The following CTNNA3 variants were observed in gnomAD, a reference collection of about 807,000 sequenced individuals.
CTNNA3 encodes the protein catenin alpha-3.
A neutral mutation model predicts 95.7 loss-of-function variants in CTNNA3; 76 were observed. The ratio of observed to expected loss-of-function variants is 0.79; its 90% CI spans 0.66 to 0.96. CTNNA3 has a LOEUF of 0.96. Ranked by LOEUF, CTNNA3 falls within the 40% of genes least tolerant of loss-of-function variation. CTNNA3 has a pLI of 0.00. For synonymous variants in CTNNA3, 431 were observed against 374.4 expected, an observed-to-expected ratio of 1.15 and a Z score of -1.74; for missense variants, 1,191 against 1,089.8, an observed-to-expected ratio of 1.09 and a Z score of -1.31.
chr10:67,111,703 G>T (rs2131971099), intron 7 of CTNNA3, among the ~76,000 whole-genome samples: 1 of 151,974 alleles, frequency 6.6e-6, no homozygotes, highest in African/African-American at 2.4e-5. Context: ...AAGATAAAAA[G>T]AAATCCACTA....
chr10:67,704,123 A>C (rs1413721220), intron 1 of CTNNA3, among the ~76,000 whole-genome samples: 2 of 152,222 alleles, frequency 1.3e-5, no homozygotes, highest in East Asian at 3.8e-4. Context: ...AATGAAATAA[A>C]AGAGGATACA....
rs553976728 is a variant in CTNNA3 at position 67,364,574 on chromosome 10, C to G, written c.580-144704G>C. Among the ~76,000 whole-genome samples the G allele has an allele frequency of 3.3e-4, 50 of 152,182 alleles. 1 individual carries two copies. The highest frequency in any genetic ancestry group is 4.1e-4 in the Non-Finnish European group (28 of 68,020). ...TACAAAAATCACAAGCATTCCTATA[C>G]ACCAATAGCAGACAAACAGAGAGCC... On this transcript the variant is annotated intron_variant, in intron 5 of 17. Coordinates refer to ENST00000433211, the MANE Select transcript of CTNNA3 (RefSeq NM_013266.4).
At chr10:66,086,632 A>G (rs933957322) in intron 14 of CTNNA3, among the ~76,000 whole-genome samples, 1 of 152,126 alleles carries the variant, frequency 6.6e-6, no homozygotes, top group African/African-American at 2.4e-5. Flanking sequence ...ATCCACTATC[A>G]CTATTCTTTT....
At chr10:67,619,970 A>G (rs1843775116) in intron 2 of CTNNA3, among the ~76,000 whole-genome samples, 1 of 151,906 alleles carries the variant, frequency 6.6e-6, no homozygotes, top group Non-Finnish European at 1.5e-5. Context: ...TGAGGCTTAG[A>G]TGAAACCCAG....
intron 11 of CTNNA3, among the ~76,000 whole-genome samples, chr10:66,496,517 AC>A (rs984999081): frequency 6.6e-6 from 1 of 152,230 alleles, no homozygotes; most frequent in Non-Finnish European, 1.5e-5. Context: ...GAAGATTCTT[AC>A]GCAATTTCAA....
In CTNNA3 at chr10:66,535,787, G is replaced by A. The variant is rs186201053; in HGVS notation, c.1375-15014C>T. ...CAGCAGCTGTGAAAGCAGGATTTGAGGGATAATTAACATGTAGAATTCATA... is the reference window on the plus strand; with the variant it reads ...CAGCAGCTGTGAAAGCAGGATTTGAAGGATAATTAACATGTAGAATTCATA... On this transcript the variant is annotated intron_variant, in intron 10 of 17. Coordinates refer to ENST00000433211, the MANE Select transcript of CTNNA3 (RefSeq NM_013266.4). Among the ~76,000 whole-genome samples the A allele has an allele frequency of 9.9e-4, 151 of 152,166 alleles. 1 individual carries two copies. Among genetic ancestry groups the A allele is most frequent in the African/African-American group, 3.5e-3 (146 of 41,524 alleles).
chr10:66,243,747 A>T (rs1364935274), intron 13 of CTNNA3, among the ~76,000 whole-genome samples: 1 of 152,180 alleles, frequency 6.6e-6, no homozygotes, highest in Admixed American at 6.5e-5. Flanking sequence ...ACCTTGGCAA[A>T]ATAAACTTGT....
chr10:67,460,412 G>C (rs192375923), intron 5 of CTNNA3, among the ~76,000 whole-genome samples: 136 of 152,240 alleles, frequency 8.9e-4, no homozygotes, highest in African/African-American at 2.8e-3. Flanking sequence ...TGGTTTAAGA[G>C]AATTTTTTAA....
chr10:67,577,936 C>T (rs1243023661), intron 3 of CTNNA3, among the ~76,000 whole-genome samples: 1 of 148,536 alleles, frequency 6.7e-6, no homozygotes, highest in Non-Finnish European at 1.5e-5. Flanking sequence ...TACAGTTTTC[C>T]ATAGAGGCTG....
intron 5 of CTNNA3, among the ~76,000 whole-genome samples, chr10:67,455,963 A>G (rs1318339561): frequency 6.6e-6 from 1 of 152,196 alleles, no homozygotes; most frequent in Non-Finnish European, 1.5e-5. Flanking sequence ...TCATAGCAAT[A>G]TAAGGTTACA....
intron 7 of CTNNA3, among the ~76,000 whole-genome samples, chr10:67,074,488 C>T (rs1461431786): frequency 1.3e-5 from 2 of 151,284 alleles, no homozygotes; most frequent in Non-Finnish European, 2.9e-5. Flanking sequence ...GTAGCTGGGA[C>T]TACAGGCGCC....
At chr10:67,477,693 C>T (rs541519908) in intron 5 of CTNNA3, among the ~76,000 whole-genome samples, 1 of 152,084 alleles carries the variant, frequency 6.6e-6, no homozygotes. Context: ...AAATATCCTC[C>T]CTGCAAGAAA....
chr10:66,689,540 T>C (rs1847436438), intron 9 of CTNNA3, among the ~76,000 whole-genome samples: 1 of 152,122 alleles, frequency 6.6e-6, no homozygotes, highest in Admixed American at 6.5e-5. Flanking sequence ...AAAAGAAAAT[T>C]TAAAGAGGTG....
At chr10:67,723,145 C>A (rs1841189967) in intron 1 of CTNNA3, among the ~76,000 whole-genome samples, 1 of 151,960 alleles carries the variant, frequency 6.6e-6, no homozygotes, top group African/African-American at 2.4e-5. Flanking sequence ...CGCCACCACA[C>A]CTGGCTAATT....
chr10:66,756,540 T>A (rs985275771), intron 9 of CTNNA3, among the ~76,000 whole-genome samples: 1 of 152,086 alleles, frequency 6.6e-6, no homozygotes, highest in Non-Finnish European at 1.5e-5. Flanking sequence ...TATACACAGC[T>A]ACAGATTTAA....
rs929005327 is a variant in CTNNA3 at position 67,033,992 on chromosome 10, A to G, written c.1047+146325T>C. Among the ~76,000 whole-genome samples, 6 of 152,250 alleles carry G rather than the reference A, an allele frequency of 3.9e-5. No homozygotes were observed. The South Asian group carries it at 6.2e-4, about 16-fold the overall frequency. ...TCCCCATGTTGGCCAGGCTGGTCTC[A>G]AATGCCTTACCTCAAGAGATCCGCC... On this transcript the variant is annotated intron_variant, in intron 7 of 17. Transcript: ENST00000433211.
At chr10:67,322,955 A>G (rs1172346460) in intron 5 of CTNNA3, among the ~76,000 whole-genome samples, 1 of 152,148 alleles carries the variant, frequency 6.6e-6, no homozygotes, top group Non-Finnish European at 1.5e-5. Flanking sequence ...TTTGATTTGC[A>G]TTTCTTTAAT....
chr10:67,573,097 A>G (rs1162064295), intron 3 of CTNNA3, among the ~76,000 whole-genome samples: 1 of 152,144 alleles, frequency 6.6e-6, no homozygotes, highest in East Asian at 1.9e-4. Flanking sequence ...TCAAAAATAA[A>G]AGTAAAAAAA....
At chr10:66,810,124 A>C (rs1841816818) in intron 7 of CTNNA3, among the ~76,000 whole-genome samples, 1 of 152,160 alleles carries the variant, frequency 6.6e-6, no homozygotes, top group South Asian at 2.1e-4. Context: ...CTGTTTCTAC[A>C]ATTATAGGAT....
Sources: gnomAD v4.1 joint callset for allele counts (sites outside exome capture counted in the v4.1 genomes callset) on GRCh38, gnomAD v4.1.1 for gene constraint, MANE v1.5 for transcripts, NCBI Gene and HGNC (gene_info 2026-07-23, HGNC 2026-07-21) for gene names.